The following SLC1A1 variants were observed in gnomAD, a reference collection of about 807,000 sequenced individuals.
SLC1A1 encodes excitatory amino acid transporter 3.
SLC1A1 carries 43 observed loss-of-function variants against 53.3 expected under a neutral mutation model. That is an observed-to-expected ratio of 0.81 (90% confidence interval 0.63 to 1.04). The LOEUF (loss-of-function observed/expected upper bound fraction) is 1.04, where lower values mean the gene tolerates loss of function less well. Among genes scored for constraint, SLC1A1 ranks in the 50% least tolerant of loss-of-function variants. The probability of loss-of-function intolerance (pLI) is 0.00; values close to 1 mark genes in which losing one functional copy is unlikely to be tolerated. For missense variants in SLC1A1, 748 were observed against 664.9 expected (o/e 1.12, Z -1.37); for synonymous variants, 307 against 243.2 (o/e 1.26, Z -2.44).
At chr9:4,542,747 C>T (rs1817127806) in intron 1 of SLC1A1, among the ~76,000 whole-genome samples, 1 of 152,152 alleles carries the variant, frequency 6.6e-6, no homozygotes, top group African/African-American at 2.4e-5. Context: ...AGGAAGTGAG[C>T]ACATCGTACT....
intron 1 of SLC1A1, among the ~76,000 whole-genome samples, chr9:4,536,529 A>C (rs1445177278): frequency 1.3e-5 from 2 of 152,236 alleles, no homozygotes; most frequent in Non-Finnish European, 2.9e-5. Flanking sequence ...CAATCATTAA[A>C]AAGTCAGGAA....
rs76222074 is a variant in SLC1A1 at position 4,583,913 on chromosome 9, T to C, written c.1328+741T>C. 6.9e-3 allele frequency among the ~76,000 whole-genome samples: 776 copies of C among 111,862 alleles called. 11 individuals are homozygous for C. Among genetic ancestry groups the C allele is most frequent in the African/African-American group, 0.024 (728 of 30,932 alleles). 73.4% of individuals were successfully genotyped at this position (111,862 alleles called of 152,430 possible). A position where few individuals can be genotyped will look rare whatever the true frequency, so the allele number is the denominator to read the frequency against. On this transcript the variant is annotated intron_variant, in intron 11 of 11. Coordinates refer to ENST00000262352, the MANE Select transcript of SLC1A1 (RefSeq NM_004170.6). This position sits in a 1 kb window ranked among gnomAD's most constrained non-coding sequence, Gnocchi z 4.6. ...ACACACACACACACACACACACACA[T>C]ATGGAATACAGCAGAACATCTGGGT...
At chr9:4,496,333 G>A (rs6476871) in intron 1 of SLC1A1, among the ~76,000 whole-genome samples, 43,432 of 151,864 alleles carry the variant, frequency 0.29, 7,625 homozygotes, top group African/African-American at 0.51. Context: ...GAGGCACTTA[G>A]GTGTGAAAGA....
chr9:4,541,731 G>T (rs1224636757), intron 1 of SLC1A1, among the ~76,000 whole-genome samples: 5 of 152,190 alleles, frequency 3.3e-5, no homozygotes, highest in Non-Finnish European at 7.4e-5. Flanking sequence ...CAACGGCTGA[G>T]ATTTTCAATT....
At position 4,587,393 on chromosome 9, in the gene SLC1A1, CTT is replaced by C. The variant is rs1821641525; in HGVS notation, c.*1836_*1837del. ...TTTGGAGTCAGTTTGAAACCAGCCTCTTAACACACTGCTGTTAACTCATAAAA... is the reference window on the plus strand; with the variant it reads ...TTTGGAGTCAGTTTGAAACCAGCCTCAACACACTGCTGTTAACTCATAAAA... On this transcript the variant is annotated 3_prime_UTR_variant, in exon 12 of 12. Transcript: ENST00000262352. 6.6e-6 allele frequency: 1 copy of C among 152,180 alleles called. No individual in the cohort carries two copies. 9.4% of individuals were successfully genotyped at this position (152,180 alleles called of 1,614,324 possible).
chr9:4,585,914 A>T lies in SLC1A1; in HGVS notation c.*356A>T. Reference sequence around the variant, plus strand: ...CATAGACAAGTGTTTTGGGTTTTTAAAAAAAATATTCTGTCATTGGTTACA... The same window carrying T: ...CATAGACAAGTGTTTTGGGTTTTTATAAAAAATATTCTGTCATTGGTTACA... On this transcript the variant is annotated 3_prime_UTR_variant, in exon 12 of 12. Transcript: ENST00000262352. 1 of 201,630 alleles carries T rather than the reference A, an allele frequency of 5.0e-6. No homozygotes were observed. The allele number at this position is 201,630 out of a possible 1,614,324, so 12.5% of individuals were successfully genotyped here. A position where few individuals can be genotyped will look rare whatever the true frequency, so the allele number is the denominator to read the frequency against.
intron 10 of SLC1A1, among the ~76,000 whole-genome samples, chr9:4,582,177 G>A (rs1229060140): frequency 3.9e-5 from 6 of 152,198 alleles, no homozygotes; most frequent in African/African-American, 1.2e-4. Context: ...AAATAAGGAA[G>A]ATGTTGCTGA....
intron 1 of SLC1A1, among the ~76,000 whole-genome samples, chr9:4,496,902 AAATAAT>A (rs772757740): frequency 2.0e-5 from 3 of 152,080 alleles, no homozygotes; most frequent in African/African-American, 4.8e-5. Context: ...TGTCTCTGAA[AAATAAT>A]AATAATAAAT....
intron 1 of SLC1A1, among the ~76,000 whole-genome samples, chr9:4,540,308 C>A (rs182461210): frequency 1.3e-5 from 2 of 152,254 alleles, no homozygotes; most frequent in Admixed American, 1.3e-4. Context: ...TCCACATTCA[C>A]CACCCTTCAA....
intron 1 of SLC1A1, among the ~76,000 whole-genome samples, chr9:4,497,617 T>C (rs1353153919): frequency 6.6e-6 from 1 of 152,232 alleles, no homozygotes; most frequent in African/African-American, 2.4e-5. Flanking sequence ...CCTCTGCCTG[T>C]TTCAGCCCCC....
intron 7 of SLC1A1, 38 bp from the exon 8 acceptor site, chr9:4,573,869 G>T (rs775338828): frequency 1.4e-6 from 2 of 1,405,246 alleles, no homozygotes; most frequent in South Asian, 1.2e-5. Context: ...GAAAGCACTT[G>T]ATGACGGAAT....
In SLC1A1 at chr9:4,549,764, C is replaced by T. The variant is rs889344945; in HGVS notation, c.232+5057C>T. Among the ~76,000 whole-genome samples the T allele has an allele frequency of 1.3e-5, 2 of 152,178 alleles. No homozygotes were observed. The highest frequency in any genetic ancestry group is 2.9e-5 in the Non-Finnish European group (2 of 68,024). ...CTTTCCTCGTGGACCCCATCAGGAG[C>T]CTTCCATAGACTCCATACCATAGTA... is the stretch of plus-strand genomic sequence containing the variant. On this transcript the variant is annotated intron_variant, in intron 2 of 11. Coordinates refer to ENST00000262352, the MANE Select transcript of SLC1A1 (RefSeq NM_004170.6). This position sits in a 1 kb window ranked among gnomAD's most constrained non-coding sequence, Gnocchi z 4.1.
chr9:4,505,317 G>A (rs981552260), intron 1 of SLC1A1, among the ~76,000 whole-genome samples: 1 of 152,072 alleles, frequency 6.6e-6, no homozygotes, highest in East Asian at 1.9e-4. Context: ...CCAAAGAGCT[G>A]GGATTACAGG....
chr9:4,507,075 CA>C (rs535290001), intron 1 of SLC1A1, among the ~76,000 whole-genome samples: 1 of 150,984 alleles, frequency 6.6e-6, no homozygotes, highest in Non-Finnish European at 1.5e-5. Flanking sequence ...ATTAAAAATA[CA>C]AAAAAAAATT....
chr9:4,533,489 G>T (rs1379322479), intron 1 of SLC1A1, among the ~76,000 whole-genome samples: 26 of 152,072 alleles, frequency 1.7e-4, no homozygotes, highest in Admixed American at 1.7e-3. Flanking sequence ...AATGGTAAAG[G>T]GATCAATTCA....
chr9:4,523,189 G>C (rs567632812), intron 1 of SLC1A1, among the ~76,000 whole-genome samples: 1 of 152,256 alleles, frequency 6.6e-6, no homozygotes, highest in South Asian at 2.1e-4. Context: ...ACTCTCATTA[G>C]ATGTGAGCTC....
chr9:4,544,837 C>T, intron 2 of SLC1A1, 130 bp downstream of exon 2: 1 of 785,610 alleles, frequency 1.3e-6, no homozygotes, highest in African/African-American at 1.7e-5. Context: ...CTCAGAAGGT[C>T]TCAGGAAACT....
chr9:4,525,710 A>C (rs1392827744), intron 1 of SLC1A1, among the ~76,000 whole-genome samples: 1 of 152,232 alleles, frequency 6.6e-6, no homozygotes, highest in Non-Finnish European at 1.5e-5. Context: ...TCAGTGAATG[A>C]ATTAAACATC....
intron 2 of SLC1A1, among the ~76,000 whole-genome samples, chr9:4,557,834 T>C (rs1034986096): frequency 6.6e-6 from 1 of 152,050 alleles, no homozygotes; most frequent in African/African-American, 2.4e-5. Context: ...TATGGAATAG[T>C]GGTTAAGAAT....
Sources: gnomAD v4.1 joint callset for allele counts (sites outside exome capture counted in the v4.1 genomes callset) on GRCh38, gnomAD v4.1.1 for gene constraint, Gnocchi (gnomAD v3.1) non-coding constraint, MANE v1.5 for transcripts, NCBI Gene and HGNC (gene_info 2026-07-23, HGNC 2026-07-21) for gene names.